LRRC73: variants seen among roughly 807,000 people sequenced by gnomAD.
LRRC73 encodes the protein leucine-rich repeat-containing protein 73.
Under a neutral mutation model 26.4 loss-of-function variants are expected in LRRC73, and 16 were observed. That is an observed-to-expected ratio of 0.61 (90% CI 0.41 to 0.92). LRRC73 has a LOEUF of 0.92. Among genes scored for constraint, LRRC73 ranks in the 40% least tolerant of loss-of-function variants. LRRC73 has a pLI of 0.00. For missense variants in LRRC73, 344 were observed against 416.3 expected (o/e 0.83, Z 1.51); for synonymous variants, 210 against 179.8 (o/e 1.17, Z -1.34).
chr6:43,508,524 CCACCTTA>C, intron 2 of LRRC73, 104 bp from the exon 3 acceptor site: 1 of 1,533,268 alleles, frequency 6.5e-7, no homozygotes, highest in Non-Finnish European at 8.9e-7. Context: ...TGGCTGGGCA[CCACCTTA>C]CCCCCACCAT....
exon 5 of LRRC73, chr6:43,507,562 C>A: frequency 1.2e-6 from 2 of 1,614,082 alleles, no homozygotes; most frequent in Admixed American, 3.3e-5. Context: ...CCTCCTCCTC[C>A]TCTCCCTCAG....
At chr6:43,507,715 G>A in intron 4 of LRRC73, 37 bp from the exon 5 acceptor site, 4 of 1,604,916 alleles carry the variant, frequency 2.5e-6, no homozygotes, top group South Asian at 2.2e-5. Context: ...GATGAACACA[G>A]TTAAGGCAGG....
chr6:43,509,820 G>A lies in LRRC73; in HGVS notation c.-35C>T, dbSNP rs768917476. On this transcript the variant is annotated 5_prime_UTR_variant, in exon 1 of 6. Transcript: ENST00000372441. ...GGCTGGGCCTCCGGGTACGGGGCCG[G>A]AACGGAGGTTGGTGGGGCCGCGGGC... 14 of 1,458,650 alleles carry A rather than the reference G, an allele frequency of 9.6e-6. No homozygotes were observed. In the South Asian group the frequency reaches 1.3e-4, roughly 13 times the overall value. The allele number at this position is 1,458,650 out of a possible 1,614,324, so 90.4% of individuals were successfully genotyped here. A position where few individuals can be genotyped will look rare whatever the true frequency, so the allele number is the denominator to read the frequency against.
chr6:43,507,352 C>T (rs1417030419), intron 5 of LRRC73, 44 bp from the exon 6 acceptor site: 3 of 1,611,276 alleles, frequency 1.9e-6, no homozygotes. Context: ...TTCCTTCCTC[C>T]AATGGGGACC....
chr6:43,507,180 G>T, exon 6 of LRRC73: 2 of 1,582,688 alleles, frequency 1.3e-6, no homozygotes, highest in African/African-American at 1.3e-5. Context: ...CCTGATATCT[G>T]GGGCAAGGTG....
Position 43,509,677 on chromosome 6 carries a change from C to G in LRRC73, c.109G>C (p.Gly37Arg), listed in dbSNP as rs763085040. 2.5e-6 allele frequency: 4 copies of G among 1,593,184 alleles called. No homozygotes were observed. In the South Asian group the frequency reaches 4.5e-5, roughly 18 times the overall value. ...AAGTCGCGGTCGCAGAGGCGGCAGC[C>G]GCGCAGTGAGAGCAGGCGCACGGCG... is the stretch of plus-strand genomic sequence containing the variant. The change falls in exon 1 of 6, where the codon GGC (glycine) becomes CGC (arginine). Residue 37 changes from glycine (G) to arginine (R), a missense_variant. Gly to Arg is a moderately radical substitution (Grantham distance 125). Coordinates refer to ENST00000372441, the Ensembl canonical transcript of LRRC73.
chr6:43,510,225 G>A lies in LRRC73; in HGVS notation c.-440C>T. On this transcript the variant is annotated 5_prime_UTR_variant, in exon 1 of 6. It adds an upstream start codon to the 5' untranslated region. Coordinates refer to ENST00000372441, the Ensembl canonical transcript of LRRC73. The stretch of plus-strand genomic sequence containing the variant: ...GCTTACCGGTCTCGGCTAGGAGGCC[G>A]TACCCGCTCCCTCCTTCTCTGCCGC... 1 of 155,526 alleles carries A rather than the reference G, an allele frequency of 6.4e-6. No homozygotes were observed. Among genetic ancestry groups the A allele is most frequent in the Non-Finnish European group, 1.4e-5 (1 of 69,830 alleles). 9.6% of individuals were successfully genotyped at this position (155,526 alleles called of 1,614,324 possible). A position where few individuals can be genotyped will look rare whatever the true frequency, so the allele number is the denominator to read the frequency against.
intron 1 of LRRC73, 101 bp from the exon 2 acceptor site, chr6:43,509,021 G>T: frequency 8.0e-7 from 1 of 1,256,134 alleles, no homozygotes; most frequent in Non-Finnish European, 1.1e-6. Context: ...GGGGAGGGCA[G>T]TCACAGCGCT....
At chr6:43,508,221 C>A in intron 3 of LRRC73, 77 bp downstream of exon 3, 2 of 1,527,180 alleles carry the variant, frequency 1.3e-6, no homozygotes. Context: ...TACGGGTTAC[C>A]ATGTCAACTG....
At chr6:43,509,395 G>A in intron 1 of LRRC73, 119 bp downstream of exon 1, 7 of 1,276,202 alleles carry the variant, frequency 5.5e-6, no homozygotes, top group Non-Finnish European at 7.4e-6. Flanking sequence ...CACGGTGTAT[G>A]TGCATAAGGC....
At chr6:43,509,927 G>T in exon 1 of LRRC73, 1 of 584,958 alleles carries the variant, frequency 1.7e-6, no homozygotes, top group Non-Finnish European at 2.5e-6. Flanking sequence ...GGCGGCTGTG[G>T]CGGAGGCTGC....
At chr6:43,508,848 G>A (rs1190018375) in exon 2 of LRRC73, 1 of 1,613,084 alleles carries the variant, frequency 6.2e-7, no homozygotes, top group Non-Finnish European at 8.5e-7. Context: ...CCAGAGCCAC[G>A]AGGGCAGGGT....
exon 6 of LRRC73, chr6:43,507,269 C>G: frequency 6.2e-7 from 1 of 1,613,966 alleles, no homozygotes; most frequent in Non-Finnish European, 8.5e-7. Flanking sequence ...CAGACTGTCC[C>G]CTAGTCCTGA....
chr6:43,507,119 G>C, exon 6 of LRRC73: 1 of 1,010,190 alleles, frequency 9.9e-7, no homozygotes, highest in East Asian at 2.6e-5. Context: ...AGCTGCCAGA[G>C]CCCCCATGCA....
At chr6:43,509,411 A>G in intron 1 of LRRC73, 103 bp downstream of exon 1, 1 of 1,364,660 alleles carries the variant, frequency 7.3e-7, no homozygotes, top group Non-Finnish European at 9.8e-7. Context: ...AAGGCATGTG[A>G]AGGTAGGATG....
exon 1 of LRRC73, chr6:43,509,533 G>T: frequency 3.1e-6 from 5 of 1,608,862 alleles, no homozygotes; most frequent in Non-Finnish European, 4.2e-6. Flanking sequence ...TGGATGGAGC[G>T]GTTGGTCCGC....
rs774968458 is a variant in LRRC73, at chr6:43,509,497, C to T, written c.272+17G>A. The T allele has an allele frequency of 2.5e-6, 4 of 1,591,000 alleles. No individual in the cohort carries two copies. Among genetic ancestry groups the T allele is most frequent in the Non-Finnish European group, 3.4e-6 (4 of 1,167,366 alleles). Reference sequence around the variant, plus strand: ...GGGTGCAGTGCCCGGGACCCCCTTGCGAGGGGGCGCACTCACAAGAGGGAC... The same window carrying T: ...GGGTGCAGTGCCCGGGACCCCCTTGTGAGGGGGCGCACTCACAAGAGGGAC... On this transcript the variant is annotated intron_variant, in intron 1 of 5. Transcript: ENST00000372441.
In LRRC73 at chr6:43,507,411, G is replaced by A. The variant is rs559352604; in HGVS notation, c.880+45C>T. On this transcript the variant is annotated intron_variant, in intron 5 of 5. Transcript: ENST00000372441. The stretch of plus-strand genomic sequence containing the variant: ...CTGCACACCCACTCTCCCTTGTCCC[G>A]AGCCTCTTCCAGACCTGGCTCTGAT... 499 of 1,610,078 alleles carry A rather than the reference G, an allele frequency of 3.1e-4. 4 individuals are homozygous for A. The South Asian group carries it at 5.0e-3, about 16-fold the overall frequency.
At chr6:43,508,168 C>G (rs1792560814) in intron 3 of LRRC73, 130 bp downstream of exon 3, 5 of 1,354,052 alleles carry the variant, frequency 3.7e-6, no homozygotes, top group Non-Finnish European at 5.0e-6. Context: ...AAAGCTATCT[C>G]CTTGACCCCT....
Sources: gnomAD v4.1 joint callset for allele counts on GRCh38, gnomAD v4.1.1 for gene constraint, MANE v1.5 for transcripts, NCBI Gene and HGNC (gene_info 2026-07-23, HGNC 2026-07-21) for gene names.